Variants in FBN2 observed in about 807,000 individuals in gnomAD.
FBN2 encodes fibrillin 2.
FBN2 carries 105 observed loss-of-function variants against 355.6 expected under a neutral mutation model. That is an observed-to-expected ratio of 0.30 (90% confidence interval 0.25 to 0.35). The LOEUF (loss-of-function observed/expected upper bound fraction) is 0.35. Ranked by LOEUF, FBN2 falls within the 10% of genes least tolerant of loss-of-function variation. FBN2 has a pLI of 1.00. For missense variants in FBN2, 3,280 were observed against 3,758.7 expected, an observed-to-expected ratio of 0.87 and a Z score of 3.33; for synonymous variants, 1,350 against 1,301.2, an observed-to-expected ratio of 1.04 and a Z score of -0.81.
intron 19 of FBN2, among the ~76,000 whole-genome samples, chr5:128,360,282 A>G (rs1751606210): frequency 6.6e-6 from 1 of 152,162 alleles, no homozygotes; most frequent in South Asian, 2.1e-4. Context: ...AATTGGTGTT[A>G]GAGATGGGAG....
intron 20 of FBN2, among the ~76,000 whole-genome samples, chr5:128,351,723 A>G (rs1751373705): frequency 6.6e-6 from 1 of 152,072 alleles, no homozygotes; most frequent in African/African-American, 2.4e-5. Flanking sequence ...GAGTTGTCCA[A>G]GATTTTATGC....
chr5:128,277,632 G>T (rs983700728), intron 58 of FBN2, among the ~76,000 whole-genome samples: 3 of 152,108 alleles, frequency 2.0e-5, no homozygotes, highest in Non-Finnish European at 4.4e-5. Flanking sequence ...CTCTGTTTTT[G>T]ACACATGGAT....
At chr5:128,345,998 C>T (rs1751173539) in intron 23 of FBN2, among the ~76,000 whole-genome samples, 2 of 152,036 alleles carry the variant, frequency 1.3e-5, no homozygotes, top group Admixed American at 1.3e-4. Context: ...ATCTATTTGC[C>T]AATTTGTTAC....
intron 6 of FBN2, among the ~76,000 whole-genome samples, chr5:128,462,074 T>C (rs1400309857): frequency 6.6e-6 from 1 of 152,184 alleles, no homozygotes; most frequent in African/African-American, 2.4e-5. Context: ...CCACAGCTAC[T>C]CTGTTTACTA....
chr5:128,501,351 C>T (rs1332971982), intron 5 of FBN2, among the ~76,000 whole-genome samples: 1 of 152,114 alleles, frequency 6.6e-6, no homozygotes, highest in East Asian at 1.9e-4. Flanking sequence ...GAACATAATG[C>T]ACTTGAAATA....
At chr5:128,502,895 T>G (rs1264603258) in intron 5 of FBN2, among the ~76,000 whole-genome samples, 3 of 152,252 alleles carry the variant, frequency 2.0e-5, no homozygotes, top group Non-Finnish European at 4.4e-5. Context: ...CAACATAAAT[T>G]TAGCTTTTAA....
At chr5:128,298,972 C>T (rs1263255835) in intron 48 of FBN2, among the ~76,000 whole-genome samples, 1 of 152,132 alleles carries the variant, frequency 6.6e-6, no homozygotes, top group African/African-American at 2.4e-5. Flanking sequence ...GTGGTTTTAT[C>T]TACTTTTGGT....
intron 47 of FBN2, 72 bp from the exon 48 acceptor site, chr5:128,301,008 A>G (rs1426096950): frequency 6.9e-7 from 1 of 1,441,596 alleles, no homozygotes; most frequent in Non-Finnish European, 9.7e-7. Context: ...CTGTCTGCCA[A>G]ATGATATTAA....
chr5:128,505,811 T>A (rs1755942593), intron 5 of FBN2, among the ~76,000 whole-genome samples: 1 of 152,244 alleles, frequency 6.6e-6, no homozygotes, highest in Non-Finnish European at 1.5e-5. Flanking sequence ...ATTACTTTTT[T>A]AACAAACAAT....
chr5:128,457,998 A>G (rs1029382067), intron 6 of FBN2, among the ~76,000 whole-genome samples: 1 of 152,236 alleles, frequency 6.6e-6, no homozygotes, highest in African/African-American at 2.4e-5. Context: ...AAATGCCCCA[A>G]TTAAAAGACA....
In FBN2 at chr5:128,276,063, C is replaced by G; in HGVS notation, c.7569G>C (p.Leu2523=). 1 of 1,613,852 alleles carries G rather than the reference C, an allele frequency of 6.2e-7. No homozygotes were observed. The highest frequency in any genetic ancestry group is 1.1e-5 in the South Asian group (1 of 91,084). Residue 2523 remains leucine, a synonymous_variant, in exon 59 of 65, where the codon CTG becomes CTC. Coordinates refer to ENST00000262464, the MANE Select transcript of FBN2 (RefSeq NM_001999.4). ...YQCSCPRGYV[L]QEDGKTCKDL... ...CTTTGCATGTCTTTCCATCCTCTTG[C>G]AGGACATACCCCCTCGGACATGAAC...
In FBN2 at chr5:128,318,973, A is replaced by G; in HGVS notation, c.4500T>C (p.Ile1500=). ...GGTTATTACATGTTCCAAAGACACA[A>G]ATGTTTTGGAAGGAGCATTCATCAA... ...QDIDECSFQN[I]CVFGTCNNLP... is the part of the protein sequence containing the mutation. Residue 1500 remains isoleucine, a synonymous_variant, in exon 35 of 65, where the codon ATT becomes ATC. Transcript: ENST00000262464. The G allele has an allele frequency of 6.2e-7, 1 of 1,608,368 alleles. No individual in the cohort carries two copies. Among genetic ancestry groups the G allele is most frequent in the African/African-American group, 1.3e-5 (1 of 74,896 alleles).
chr5:128,458,959 T>G (rs1317517858), intron 6 of FBN2, among the ~76,000 whole-genome samples: 1 of 149,824 alleles, frequency 6.7e-6, no homozygotes, highest in East Asian at 2.0e-4. Flanking sequence ...AGAGAAGAAT[T>G]GAAGGAGTTA....
Position 128,537,613 on chromosome 5 carries a change from C to G in FBN2, c.-10G>C. On this transcript the variant is annotated 5_prime_UTR_variant, in exon 1 of 65. Transcript: ENST00000262464. ...TCCGTCTTCTCCCCATCGCCGGCGC[C>G]GAAAGCGCGCGGCCGTAGACCCGCG... 1 of 1,605,714 alleles carries G rather than the reference C, an allele frequency of 6.2e-7. No individual in the cohort carries two copies. Among genetic ancestry groups the G allele is most frequent in the Middle Eastern group, 1.7e-4 (1 of 6,054 alleles).
At chr5:128,391,941 A>T in intron 11 of FBN2, 77 bp downstream of exon 11, 1 of 1,353,410 alleles carries the variant, frequency 7.4e-7, no homozygotes, top group Non-Finnish European at 1.1e-6. Context: ...AAAAAATCAT[A>T]TTCATTCCAA....
chr5:128,312,073 T>A, intron 37 of FBN2, 120 bp from the exon 38 acceptor site: 1 of 697,302 alleles, frequency 1.4e-6, no homozygotes, highest in Non-Finnish European at 2.6e-6. Flanking sequence ...ATCCAAATTT[T>A]TCTTAGTGCC....
At chr5:128,439,470 TC>T (rs1753860519) in intron 7 of FBN2, among the ~76,000 whole-genome samples, 1 of 152,122 alleles carries the variant, frequency 6.6e-6, no homozygotes, top group East Asian at 1.9e-4. Context: ...TATATTACAC[TC>T]TCTTATTCTA....
At chr5:128,514,204 G>C (rs530792033) in intron 5 of FBN2, among the ~76,000 whole-genome samples, 15 of 152,272 alleles carry the variant, frequency 9.9e-5, no homozygotes, top group African/African-American at 3.6e-4. Flanking sequence ...AATTGGTCAT[G>C]AATTATGGAG....
chr5:128,300,330 G>C (rs1749677728), intron 48 of FBN2, among the ~76,000 whole-genome samples: 1 of 152,214 alleles, frequency 6.6e-6, no homozygotes, highest in Non-Finnish European at 1.5e-5. Context: ...CGTGTGTGCT[G>C]GAAGGGTTTC....
Sources: gnomAD v4.1 joint callset for allele counts (sites outside exome capture counted in the v4.1 genomes callset) on GRCh38, gnomAD v4.1.1 for gene constraint, MANE v1.5 for transcripts, NCBI Gene and HGNC (gene_info 2026-07-23, HGNC 2026-07-21) for gene names.